The following POFUT3 variants were observed in gnomAD, a reference collection of about 807,000 sequenced individuals.
POFUT3 encodes the protein GDP-fucose protein O-fucosyltransferase 3.
the POFUT3 span, among the ~76,000 whole-genome samples, chr8:33,310,732 A>G: frequency 6.6e-6 from 1 of 151,284 alleles, no homozygotes; most frequent in Admixed American, 6.6e-5. Flanking sequence ...AAGACAGAAC[A>G]TTGTCGAGCA....
At chr8:33,314,709 T>A in the POFUT3 span, among the ~76,000 whole-genome samples, 1 of 152,318 alleles carries the variant, frequency 6.6e-6, no homozygotes, top group African/African-American at 2.4e-5. Context: ...GCTCTCTGTT[T>A]TTCGTAGGAA....
chr8:33,393,197 T>C, the POFUT3 span, among the ~76,000 whole-genome samples: 1 of 152,142 alleles, frequency 6.6e-6, no homozygotes, highest in Non-Finnish European at 1.5e-5. Flanking sequence ...GGAATGAAAA[T>C]CAATTAACCT....
the POFUT3 span, among the ~76,000 whole-genome samples, chr8:33,459,738 C>T: frequency 2.0e-5 from 3 of 151,926 alleles, no homozygotes; most frequent in African/African-American, 7.3e-5. Flanking sequence ...CTTTTACTAT[C>T]ACTGCCCAAT....
At chr8:33,397,321 C>T in the POFUT3 span, among the ~76,000 whole-genome samples, 1 of 152,180 alleles carries the variant, frequency 6.6e-6, no homozygotes, top group Non-Finnish European at 1.5e-5. Context: ...TTGGGAAGAG[C>T]ATTGTCCAGA....
chr8:33,311,488 A>T, the POFUT3 span, among the ~76,000 whole-genome samples: 1 of 152,338 alleles, frequency 6.6e-6, no homozygotes, highest in East Asian at 1.9e-4. Context: ...ATCCAAGGGG[A>T]TATGACCATA....
the POFUT3 span, among the ~76,000 whole-genome samples, chr8:33,337,204 C>T: frequency 1.3e-5 from 2 of 152,254 alleles, no homozygotes; most frequent in East Asian, 3.9e-4. Context: ...TAGGATCTTG[C>T]TGTTTTAAAA....
At chr8:33,418,571 G>A in the POFUT3 span, among the ~76,000 whole-genome samples, 2 of 152,008 alleles carry the variant, frequency 1.3e-5, no homozygotes, top group African/African-American at 2.4e-5. Flanking sequence ...TCAAAGTGCT[G>A]AGATTACAGG....
At chr8:33,447,381 GGAGCT>G in the POFUT3 span, among the ~76,000 whole-genome samples, 6 of 151,982 alleles carry the variant, frequency 3.9e-5, no homozygotes, top group Non-Finnish European at 8.8e-5. Flanking sequence ...CTTGGGAGGC[GGAGCT>G]TGCAGTGAGC....
chr8:33,366,268 C>T, the POFUT3 span, among the ~76,000 whole-genome samples: 1 of 152,016 alleles, frequency 6.6e-6, no homozygotes, highest in Non-Finnish European at 1.5e-5. Context: ...GGATGGGAGG[C>T]TGTGGGAGGG....
At chr8:33,315,191 G>A in the POFUT3 span, among the ~76,000 whole-genome samples, 2 of 152,130 alleles carry the variant, frequency 1.3e-5, no homozygotes, top group South Asian at 4.1e-4. Flanking sequence ...TCACTATACT[G>A]CCATCCCTGA....
At chr8:33,470,886 C>T in the POFUT3 span, among the ~76,000 whole-genome samples, 1 of 152,050 alleles carries the variant, frequency 6.6e-6, no homozygotes, top group South Asian at 2.1e-4. Flanking sequence ...AGTAAAAACT[C>T]TCCATAAAAG....
chr8:33,319,437 T>A, the POFUT3 span, among the ~76,000 whole-genome samples: 3,056 of 31,132 alleles, frequency 0.098, 926 homozygotes, highest in East Asian at 0.57. Flanking sequence ...TATATATTTT[T>A]TATATATTTA....
the POFUT3 span, among the ~76,000 whole-genome samples, chr8:33,413,059 G>A: frequency 6.6e-6 from 1 of 152,244 alleles, no homozygotes; most frequent in East Asian, 1.9e-4. Flanking sequence ...CGTGATAGTT[G>A]TGTTCATTTC....
chr8:33,419,578 G>GACAGGCC, the POFUT3 span, among the ~76,000 whole-genome samples: 3 of 152,196 alleles, frequency 2.0e-5, no homozygotes, highest in Non-Finnish European at 4.4e-5. Context: ...ACAGGCCACG[G>GACAGGCC]ACAGGCCCTG....
the POFUT3 span, among the ~76,000 whole-genome samples, chr8:33,390,504 A>T: frequency 6.6e-6 from 1 of 151,406 alleles, no homozygotes; most frequent in African/African-American, 2.4e-5. Context: ...AAGAGAAAGG[A>T]AGCCAAAAAA....
the POFUT3 span, chr8:33,436,274 A>G: frequency 7.4e-7 from 1 of 1,355,742 alleles, no homozygotes; most frequent in South Asian, 1.2e-5. Flanking sequence ...TTCAGCCCAC[A>G]CACATCCCAC....
chr8:33,470,951 C>A, the POFUT3 span, among the ~76,000 whole-genome samples: 15 of 151,804 alleles, frequency 9.9e-5, no homozygotes, highest in African/African-American at 3.6e-4. Context: ...GTAAGATTTC[C>A]GGAAATTTTT....
chr8:33,390,110 C>T, the POFUT3 span, among the ~76,000 whole-genome samples: 5 of 152,120 alleles, frequency 3.3e-5, no homozygotes, highest in Admixed American at 2.0e-4. Context: ...GCAGGAGAAT[C>T]ACTTGAACCC....
At chr8:33,444,152 C>T in the POFUT3 span, among the ~76,000 whole-genome samples, 1 of 151,744 alleles carries the variant, frequency 6.6e-6, no homozygotes, top group Non-Finnish European at 1.5e-5. Flanking sequence ...AAAGAAAATA[C>T]GGCAGGGGTT....
Sources: allele counts gnomAD v4.1 joint callset (sites outside exome capture counted in the v4.1 genomes callset), GRCh38; gene constraint gnomAD v4.1.1; transcripts MANE v1.5; gene names NCBI Gene and HGNC (gene_info 2026-07-23, HGNC 2026-07-21).